Variants in MAEA observed in about 807,000 individuals in gnomAD.
The protein encoded by MAEA is macrophage erythroblast attacher, E3 ubiquitin ligase.
In MAEA, 22 loss-of-function variants were observed where a neutral mutation model predicts 46.2. That is an observed-to-expected ratio of 0.48 (90% CI 0.34 to 0.68). The LOEUF is 0.68. Ranked by LOEUF, MAEA falls within the 30% of genes least tolerant of loss-of-function variation. The probability of loss-of-function intolerance (pLI) is 0.01; values close to 1 mark genes in which losing one functional copy is unlikely to be tolerated. For synonymous variants in MAEA, 246 were observed against 222.6 expected (o/e 1.11, Z -0.94); for missense variants, 393 against 558.1 (o/e 0.70, Z 2.98).
At chr4:1,316,818 A>G (rs1289135378) in intron 3 of MAEA, among the ~76,000 whole-genome samples, 3 of 151,806 alleles carry the variant, frequency 2.0e-5, no homozygotes, top group Non-Finnish European at 4.4e-5. Context: ...GGCCACACTC[A>G]CGCCCCCATG....
intron 5 of MAEA, chr4:1,330,326 T>G: frequency 1.6e-5 from 1 of 63,874 alleles, no homozygotes; most frequent in Non-Finnish European, 2.6e-5. Flanking sequence ...CTCTCTCTCT[T>G]TCCGTGTGTG....
At chr4:1,307,316 C>T (rs899292542) in intron 1 of MAEA, among the ~76,000 whole-genome samples, 14 of 152,162 alleles carry the variant, frequency 9.2e-5, no homozygotes, top group African/African-American at 3.4e-4. Flanking sequence ...AACAAAACTG[C>T]CTCCTCCCCA....
At chr4:1,317,399 C>T (rs372323751) in intron 3 of MAEA, among the ~76,000 whole-genome samples, 10 of 150,126 alleles carry the variant, frequency 6.7e-5, no homozygotes, top group Middle Eastern at 3.5e-3. Context: ...CGGACTCACC[C>T]GCAGACCCAC....
intron 5 of MAEA, chr4:1,329,888 G>T (rs914974275): frequency 1.0e-6 from 1 of 985,552 alleles, no homozygotes; most frequent in Non-Finnish European, 1.2e-6. Context: ...GTCCCAGCCC[G>T]CAGGAGCTTC....
At chr4:1,293,007 C>T (rs778333095) in intron 1 of MAEA, among the ~76,000 whole-genome samples, 11 of 151,092 alleles carry the variant, frequency 7.3e-5, no homozygotes, top group Admixed American at 4.0e-4. Context: ...AATTCTCCTA[C>T]CTCAGCCTCC....
intron 5 of MAEA, chr4:1,329,875 A>C (rs1437482447): frequency 5.1e-5 from 50 of 985,436 alleles, no homozygotes; most frequent in Non-Finnish European, 6.0e-5. Flanking sequence ...ACCTGCTGCC[A>C]GGGTCCCAGC....
chr4:1,294,972 A>G (rs1253895260), intron 1 of MAEA, among the ~76,000 whole-genome samples: 3 of 152,086 alleles, frequency 2.0e-5, no homozygotes, highest in Admixed American at 6.5e-5. Flanking sequence ...ACACAGCACC[A>G]TTGGGGTGAT....
chr4:1,330,926 T>C (rs1432363858), intron 5 of MAEA: 1 of 152,212 alleles, frequency 6.6e-6, no homozygotes, highest in Non-Finnish European at 1.5e-5. Flanking sequence ...GCGGATGATG[T>C]CTGTCTGGGG....
rs185403799 is a variant in MAEA, at chr4:1,338,811, G to C, written c.1095+194G>C. On this transcript the variant is annotated intron_variant, in intron 8 of 8. Coordinates refer to ENST00000303400, the MANE Select transcript of MAEA (RefSeq NM_001017405.3). ...AGGGCTGTGTGGGGCGGGCAGGGCA[G>C]CGGGGCCAGGCTGGCACACGTCGCC... The C allele has an allele frequency of 2.0e-5, 14 of 689,784 alleles. No homozygotes were observed. In the African/African-American group the frequency reaches 2.2e-4, roughly 11 times the overall value. 42.7% of individuals were successfully genotyped at this position (689,784 alleles called of 1,614,324 possible).
At chr4:1,325,834 T>G (rs1195402393) in intron 4 of MAEA, among the ~76,000 whole-genome samples, 1 of 152,152 alleles carries the variant, frequency 6.6e-6, no homozygotes, top group African/African-American at 2.4e-5. Flanking sequence ...CTCGGCTGAT[T>G]TGTACCAAGC....
rs532116199 is a variant in MAEA at position 1,325,441 on chromosome 4, G to A, written c.580-2186G>A. Among the ~76,000 whole-genome samples, 136 of 152,328 alleles carry A rather than the reference G, an allele frequency of 8.9e-4. 3 individuals carry two copies. The South Asian group carries it at 0.027, about 30-fold the overall frequency. ...TTGGGTCTGAATACCTAAGTTTCAC[G>A]ACATAGACACACTTACATATTAGTG... On this transcript the variant is annotated intron_variant, in intron 4 of 8. Transcript: ENST00000303400.
At chr4:1,330,818 GAA>G (rs1327398239) in intron 5 of MAEA, 5 of 152,146 alleles carry the variant, frequency 3.3e-5, no homozygotes, top group Non-Finnish European at 5.9e-5. Flanking sequence ...CAAACGATCT[GAA>G]AAGAGTCAGC....
chr4:1,294,624 A>G (rs1281462331), intron 1 of MAEA, among the ~76,000 whole-genome samples: 1 of 151,532 alleles, frequency 6.6e-6, no homozygotes, highest in Non-Finnish European at 1.5e-5. Flanking sequence ...TCCATCGGCC[A>G]GGTACGGTCA....
chr4:1,306,025 C>T (rs1274341329), intron 1 of MAEA, among the ~76,000 whole-genome samples: 1 of 152,228 alleles, frequency 6.6e-6, no homozygotes, highest in Non-Finnish European at 1.5e-5. Context: ...CCTTCTTACC[C>T]AGCCTTGCCT....
At chr4:1,298,327 T>C (rs73796066) in intron 1 of MAEA, among the ~76,000 whole-genome samples, 2,853 of 129,018 alleles carry the variant, frequency 0.022, 119 homozygotes, top group African/African-American at 0.11. Context: ...TGAAGAGGCA[T>C]GTGCCGTCTT....
At chr4:1,330,070 T>C (rs1162916055) in intron 5 of MAEA, 2 of 985,430 alleles carry the variant, frequency 2.0e-6, no homozygotes, top group Admixed American at 6.1e-5. Flanking sequence ...CTGGGGTGGC[T>C]GCAGCTCCGC....
chr4:1,325,438 C>G (rs1286238764), intron 4 of MAEA, among the ~76,000 whole-genome samples: 1 of 152,216 alleles, frequency 6.6e-6, no homozygotes, highest in East Asian at 1.9e-4. Flanking sequence ...ACCTAAGTTT[C>G]ACGACATAGA....
chr4:1,321,107 C>CG (rs946881131), intron 3 of MAEA, among the ~76,000 whole-genome samples: 48 of 151,654 alleles, frequency 3.2e-4, no homozygotes, highest in African/African-American at 9.7e-4. Flanking sequence ...CTCAAAAAAA[C>CG]AAACAAAAGC....
At chr4:1,301,210 G>A (rs1735288734) in intron 1 of MAEA, among the ~76,000 whole-genome samples, 1 of 152,242 alleles carries the variant, frequency 6.6e-6, no homozygotes, top group Non-Finnish European at 1.5e-5. Context: ...CAGAAGCACG[G>A]CAAACGCTGG....
Sources: allele counts gnomAD v4.1 joint callset (sites outside exome capture counted in the v4.1 genomes callset), GRCh38; gene constraint gnomAD v4.1.1; transcripts MANE v1.5; gene names NCBI Gene and HGNC (gene_info 2026-07-23, HGNC 2026-07-21).